Variants in ZNF420 observed in about 807,000 individuals in gnomAD.
The protein encoded by ZNF420 is zinc finger protein 420.
A neutral mutation model predicts 44.7 loss-of-function variants in ZNF420; 31 were observed. The ratio of observed to expected loss-of-function variants is 0.69; its 90% CI spans 0.52 to 0.94. The LOEUF (loss-of-function observed/expected upper bound fraction) is 0.94. ZNF420 is among the 40% of genes least tolerant of loss of function. ZNF420 has a pLI of 0.00. For synonymous variants in ZNF420, 245 were observed against 267.4 expected, an observed-to-expected ratio of 0.92 and a Z score of 0.82; for missense variants, 681 against 827.9, an observed-to-expected ratio of 0.82 and a Z score of 2.18.
At chr19:37,027,363 C>T (rs1259620618) in intron 1 of ZNF420, among the ~76,000 whole-genome samples, 1 of 152,202 alleles carries the variant, frequency 6.6e-6, no homozygotes, top group Admixed American at 6.5e-5. Flanking sequence ...ATAGTACACA[C>T]ACTTCCTCTA....
intron 1 of ZNF420, among the ~76,000 whole-genome samples, chr19:37,022,283 A>G (rs909203767): frequency 6.6e-6 from 1 of 151,914 alleles, no homozygotes; most frequent in Non-Finnish European, 1.5e-5. Context: ...AATTAAATGT[A>G]TAATAAAAGT....
chr19:37,127,010 CAA>C, intron 4 of ZNF420, 116 bp from the exon 5 acceptor site: 1 of 811,144 alleles, frequency 1.2e-6, no homozygotes, highest in Non-Finnish European at 1.8e-6. Context: ...TCATAATAAT[CAA>C]TATTTGAAAC....
At chr19:37,080,568 A>C (rs1415956458) in intron 2 of ZNF420, among the ~76,000 whole-genome samples, 180 bp downstream of exon 2, 1 of 152,192 alleles carries the variant, frequency 6.6e-6, no homozygotes, top group Non-Finnish European at 1.5e-5. Context: ...ATAGTGGTTA[A>C]ATTTACGAAG....
At chr19:37,121,673 T>A (rs1481165859) in intron 4 of ZNF420, among the ~76,000 whole-genome samples, 3 of 152,018 alleles carry the variant, frequency 2.0e-5, no homozygotes, top group Non-Finnish European at 4.4e-5. Flanking sequence ...GAAACTACCA[T>A]CAGAGTGAAC....
intron 4 of ZNF420, among the ~76,000 whole-genome samples, chr19:37,097,338 TTATGGAAATA>T (rs1969515766): frequency 6.6e-6 from 1 of 152,194 alleles, no homozygotes; most frequent in South Asian, 2.1e-4. Flanking sequence ...ATTGAAAATC[TTATGGAAATA>T]TAGTTTTTCA....
intron 4 of ZNF420, among the ~76,000 whole-genome samples, chr19:37,118,678 T>C (rs1970836631): frequency 2.6e-5 from 4 of 151,724 alleles, no homozygotes; most frequent in Middle Eastern, 3.4e-3. Context: ...GACTGGCAAA[T>C]TGGATAAAGA....
chr19:37,107,085 C>CG (rs1568462502), intron 4 of ZNF420: 1 of 152,108 alleles, frequency 6.6e-6, no homozygotes, highest in East Asian at 1.9e-4. Context: ...TGCCCAGGGA[C>CG]GAGCAGGAGA....
intron 2 of ZNF420, among the ~76,000 whole-genome samples, chr19:37,085,422 ATGTGT>A (rs1968701426): frequency 1.3e-5 from 2 of 152,128 alleles, no homozygotes; most frequent in Non-Finnish European, 2.9e-5. Flanking sequence ...CTAAAATCCT[ATGTGT>A]GGGTTCTCAG....
chr19:37,075,908 C>T (rs1968138976), upstream of ZNF420, among the ~76,000 whole-genome samples: 1 of 152,074 alleles, frequency 6.6e-6, no homozygotes, highest in South Asian at 2.1e-4. Flanking sequence ...TGTGTGTATC[C>T]CTCTATAAAA....
chr19:37,121,725 C>A (rs1182114486), intron 4 of ZNF420, among the ~76,000 whole-genome samples: 4 of 152,108 alleles, frequency 2.6e-5, no homozygotes, highest in Admixed American at 6.6e-5. Context: ...CAACCTACTC[C>A]TCTGACAAAG....
chr19:37,023,333 A>T (rs2562593), intron 1 of ZNF420, among the ~76,000 whole-genome samples: 3,675 of 152,224 alleles, frequency 0.024, 162 homozygotes, highest in African/African-American at 0.083. Context: ...ATAATGCAAA[A>T]ATAGAAGAAT....
At position 37,129,170 on chromosome 19, in the gene ZNF420, ATAAT is replaced by A. The variant is rs1213218675; in HGVS notation, c.*114_*117del. 7.5e-7 allele frequency: 1 copy of A among 1,330,186 alleles called. No individual in the cohort carries two copies. The highest frequency in any genetic ancestry group is 1.5e-5 in the African/African-American group (1 of 68,160). 82.4% of individuals were successfully genotyped at this position (1,330,186 alleles called of 1,614,324 possible). On this transcript the variant is annotated 3_prime_UTR_variant, in exon 5 of 5. Transcript: ENST00000337995. ...TTTGCCTCATAAAGCACAGCATCAG[ATAAT>A]TTATGTGAGAGAAAATGGTAGTGTC...
chr19:37,103,395 C>T (rs542094362), intron 4 of ZNF420, among the ~76,000 whole-genome samples: 4 of 152,046 alleles, frequency 2.6e-5, no homozygotes, highest in African/African-American at 9.6e-5. Context: ...GTTTTTATTT[C>T]TGGTCTGTTT....
intron 4 of ZNF420, 139 bp from the exon 5 acceptor site, chr19:37,126,989 G>GATA: frequency 2.3e-6 from 1 of 427,362 alleles, no homozygotes; most frequent in Non-Finnish European, 3.8e-6. Context: ...GTGAAAGGTA[G>GATA]GTATTATATG....
intron 1 of ZNF420, among the ~76,000 whole-genome samples, chr19:37,029,673 C>T (rs745909486): frequency 2.0e-5 from 3 of 152,004 alleles, no homozygotes; most frequent in Non-Finnish European, 2.9e-5. Flanking sequence ...AGGCATGTGC[C>T]ACCACACCTG....
chr19:37,030,611 T>C (rs1467312495), intron 1 of ZNF420, among the ~76,000 whole-genome samples: 4 of 152,236 alleles, frequency 2.6e-5, no homozygotes, highest in Non-Finnish European at 5.9e-5. Flanking sequence ...CTTGTTCTTT[T>C]TTAGGGCTGA....
intron 4 of ZNF420, among the ~76,000 whole-genome samples, chr19:37,093,952 A>G (rs966697841): frequency 6.6e-6 from 1 of 152,220 alleles, no homozygotes; most frequent in African/African-American, 2.4e-5. Flanking sequence ...CAGTGGGTAT[A>G]CTAAAAGCCA....
At chr19:37,036,975 G>A (rs1252111988) in intron 1 of ZNF420, among the ~76,000 whole-genome samples, 1 of 152,204 alleles carries the variant, frequency 6.6e-6, no homozygotes, top group Non-Finnish European at 1.5e-5. Flanking sequence ...GGTAGCAGAA[G>A]GAGAGCCAAT....
At chr19:37,091,728 C>T (rs1969158769) in intron 4 of ZNF420, 1 of 152,224 alleles carries the variant, frequency 6.6e-6, no homozygotes, top group South Asian at 2.1e-4. Context: ...GAGTTCAAGA[C>T]TAGCCTGGCC....
Sources: gnomAD v4.1 joint callset for allele counts (sites outside exome capture counted in the v4.1 genomes callset) on GRCh38, gnomAD v4.1.1 for gene constraint, MANE v1.5 for transcripts, NCBI Gene and HGNC (gene_info 2026-07-23, HGNC 2026-07-21) for gene names.